The following SND1 variants were observed in gnomAD, a reference collection of about 807,000 sequenced individuals.
SND1 encodes the protein staphylococcal nuclease domain-containing protein 1.
In SND1, 38 loss-of-function variants were observed where a neutral mutation model predicts 121.7. The observed-to-expected ratio is 0.31, with a 90% confidence interval of 0.24 to 0.41. The LOEUF (loss-of-function observed/expected upper bound fraction) is 0.41. Among genes scored for constraint, SND1 ranks in the 10% least tolerant of loss-of-function variants. SND1 has a pLI of 1.00. For missense variants in SND1, 868 were observed against 1,184.6 expected (o/e 0.73, Z 3.92); for synonymous variants, 401 against 447.4 (o/e 0.90, Z 1.31).
At chr7:128,028,466 C>G in intron 16 of SND1, 24 of 396,376 alleles carry the variant, frequency 6.1e-5, no homozygotes, top group Middle Eastern at 7.5e-4. Context: ...TCCCAAGATT[C>G]CCCCCCACCC....
intron 14 of SND1, among the ~76,000 whole-genome samples, chr7:127,920,879 T>A (rs995990606): frequency 1.3e-5 from 2 of 150,608 alleles, no homozygotes; most frequent in African/African-American, 4.9e-5. Flanking sequence ...AAAAAAGCAT[T>A]CTCTAGAATA....
rs143871523 is a variant in SND1 at position 127,680,955 on chromosome 7, A to G, written c.79-5658A>G. On this transcript the variant is annotated intron_variant, in intron 1 of 23. Transcript: ENST00000354725. ...ACTAATAAATGTCCATGAAATCTTCACAATCCACGTTCTTCTGCCATGGCT... is the reference window on the plus strand; with the variant it reads ...ACTAATAAATGTCCATGAAATCTTCGCAATCCACGTTCTTCTGCCATGGCT... Among the ~76,000 whole-genome samples, 21 of 152,272 alleles carry G rather than the reference A, an allele frequency of 1.4e-4. No individual in the cohort carries two copies. The East Asian group carries it at 3.9e-3, about 28-fold the overall frequency.
At chr7:127,928,367 C>G (rs1031227841) in intron 14 of SND1, among the ~76,000 whole-genome samples, 1 of 152,082 alleles carries the variant, frequency 6.6e-6, no homozygotes, top group African/African-American at 2.4e-5. Context: ...AGTTGCTGTA[C>G]TAGTGCCTGG....
chr7:127,895,960 G>A (rs1584648897), intron 13 of SND1, among the ~76,000 whole-genome samples: 1 of 152,062 alleles, frequency 6.6e-6, no homozygotes, highest in Non-Finnish European at 1.5e-5. Flanking sequence ...AGGGGCTGGG[G>A]TATAGCTGAC....
At chr7:128,056,775 A>C (rs1793150090) in intron 16 of SND1, among the ~76,000 whole-genome samples, 2 of 152,188 alleles carry the variant, frequency 1.3e-5, no homozygotes, top group Admixed American at 1.3e-4. Flanking sequence ...AGACATATAC[A>C]GTGTTTTTTT....
At chr7:127,893,675 G>A (rs1428341641) in intron 13 of SND1, among the ~76,000 whole-genome samples, 1 of 152,092 alleles carries the variant, frequency 6.6e-6, no homozygotes, top group African/African-American at 2.4e-5. Context: ...TATCTCAGGA[G>A]AAGAGAAAAG....
intron 1 of SND1, among the ~76,000 whole-genome samples, chr7:127,667,407 T>C (rs1243884566): frequency 1.3e-5 from 2 of 152,338 alleles, no homozygotes; most frequent in Non-Finnish European, 2.9e-5. Flanking sequence ...CCACGTTTTA[T>C]CATTTTATTA....
intron 16 of SND1, among the ~76,000 whole-genome samples, chr7:128,059,698 G>C (rs1279344130): frequency 6.6e-6 from 1 of 152,186 alleles, no homozygotes; most frequent in African/African-American, 2.4e-5. Flanking sequence ...CTGTGGTACA[G>C]GTTTAACCTG....
intron 16 of SND1, among the ~76,000 whole-genome samples, chr7:128,035,149 C>T (rs751024928): frequency 7.9e-5 from 12 of 152,220 alleles, no homozygotes; most frequent in Non-Finnish European, 4.4e-5. Context: ...GATTGGGATA[C>T]CTGAGTTCTA....
chr7:127,677,141 TAAC>T (rs1401137935), intron 1 of SND1, among the ~76,000 whole-genome samples: 1 of 152,270 alleles, frequency 6.6e-6, no homozygotes, highest in Non-Finnish European at 1.5e-5. Context: ...CCATTTCTTG[TAAC>T]AACAATGTTG....
chr7:127,681,081 C>T (rs909235259), intron 1 of SND1, among the ~76,000 whole-genome samples: 2 of 152,046 alleles, frequency 1.3e-5, no homozygotes, highest in African/African-American at 4.8e-5. Flanking sequence ...TTTGAGAAAC[C>T]TCCAGACTCT....
At chr7:127,932,793 C>CATT (rs1800980886) in intron 15 of SND1, among the ~76,000 whole-genome samples, 2 of 152,158 alleles carry the variant, frequency 1.3e-5, no homozygotes, top group African/African-American at 4.8e-5. Flanking sequence ...CTCAGATGAT[C>CATT]ATTAGCATTT....
chr7:127,750,870 A>C (rs954056907), intron 10 of SND1, among the ~76,000 whole-genome samples: 2 of 152,198 alleles, frequency 1.3e-5, no homozygotes, highest in Non-Finnish European at 2.9e-5. Context: ...ATGTATTATA[A>C]AAAATCATAA....
At chr7:127,837,586 G>T (rs184266364) in intron 11 of SND1, among the ~76,000 whole-genome samples, 1 of 152,320 alleles carries the variant, frequency 6.6e-6, no homozygotes, top group Non-Finnish European at 1.5e-5. Context: ...GCTAATGTCT[G>T]AATTAGCTTG....
intron 1 of SND1, among the ~76,000 whole-genome samples, chr7:127,673,591 C>T (rs1364000437): frequency 3.9e-5 from 6 of 152,194 alleles, no homozygotes; most frequent in East Asian, 1.9e-4. Flanking sequence ...GGATTACAGG[C>T]GTGAGCCACT....
intron 16 of SND1, among the ~76,000 whole-genome samples, chr7:127,992,894 G>T (rs1012590639): frequency 1.3e-5 from 2 of 152,188 alleles, no homozygotes; most frequent in African/African-American, 2.4e-5. Flanking sequence ...TGTTGAAAAA[G>T]ATTAAAATTT....
chr7:127,956,207 C>G (rs533301699), intron 15 of SND1, among the ~76,000 whole-genome samples: 6 of 152,272 alleles, frequency 3.9e-5, no homozygotes, highest in African/African-American at 1.4e-4. Context: ...TCTGTGTATG[C>G]CAAATGAACA....
chr7:127,954,871 A>G (rs1036886841), intron 15 of SND1, among the ~76,000 whole-genome samples: 15 of 152,152 alleles, frequency 9.9e-5, no homozygotes, highest in Admixed American at 6.5e-5. Flanking sequence ...TGTTGCACCA[A>G]GAAGTCTCCC....
At chr7:127,705,130 G>T (rs555625161) in intron 8 of SND1, among the ~76,000 whole-genome samples, 185 bp downstream of exon 8, 20 of 152,274 alleles carry the variant, frequency 1.3e-4, no homozygotes, top group Non-Finnish European at 2.2e-4. Context: ...ATTGAATGCT[G>T]GATGGTAAGG....
Sources: gnomAD v4.1 joint callset for allele counts (sites outside exome capture counted in the v4.1 genomes callset) on GRCh38, gnomAD v4.1.1 for gene constraint, MANE v1.5 for transcripts, NCBI Gene and HGNC (gene_info 2026-07-23, HGNC 2026-07-21) for gene names.